Variants in BANP observed in about 807,000 individuals in gnomAD.
BANP encodes the protein BTG3 associated nuclear protein, also known as protein BANP.
In BANP, 11 loss-of-function variants were observed where a neutral mutation model predicts 68.1. The observed-to-expected ratio is 0.16, with a 90% CI of 0.10 to 0.27. The LOEUF (loss-of-function observed/expected upper bound fraction) is 0.27. BANP is among the 10% of genes least tolerant of loss of function. The pLI is 1.00. For synonymous variants in BANP, 329 were observed against 303.2 expected, an observed-to-expected ratio of 1.09 and a Z score of -0.88; for missense variants, 504 against 722.7, an observed-to-expected ratio of 0.70 and a Z score of 3.47.
chr16:87,988,806 C>T (rs1003527530), intron 4 of BANP, among the ~76,000 whole-genome samples: 1 of 152,198 alleles, frequency 6.6e-6, no homozygotes, highest in African/African-American at 2.4e-5. Context: ...ACATGCCCTT[C>T]TGTTTAGAGC....
At position 87,957,993 on chromosome 16, in the gene BANP, CCT is replaced by C. The variant is rs1354640598; in HGVS notation, c.-69+6479_-69+6480del. Reference sequence around the variant, plus strand: ...TCTGCGTTTTCTGCCGAAATGCGTCCCTGAGATTGAGAAAGTTCACACCCTAA... The same window carrying C: ...TCTGCGTTTTCTGCCGAAATGCGTCCGAGATTGAGAAAGTTCACACCCTAA... On this transcript the variant is annotated intron_variant, in intron 1 of 13. Transcript: ENST00000682872. The surrounding 1 kb of genome is among the most constrained non-coding windows in gnomAD (Gnocchi z 4.3). Among the ~76,000 whole-genome samples the C allele has an allele frequency of 6.6e-6, 1 of 152,228 alleles. No homozygotes were observed. The highest frequency in any genetic ancestry group is 2.4e-5 in the African/African-American group (1 of 41,526).
rs752872887 is a variant in BANP, at chr16:88,006,177, G to A, written c.567G>A (p.Ser189=). 1.1e-5 allele frequency: 18 copies of A among 1,613,560 alleles called. No homozygotes were observed. Among genetic ancestry groups the A allele is most frequent in the African/African-American group, 9.3e-5 (7 of 74,904 alleles). Residue 189 remains serine, a synonymous_variant, in exon 6 of 14, where the codon TCG becomes TCA. Coordinates refer to ENST00000682872, the MANE Select transcript of BANP (RefSeq NM_001386991.1). ...DSHHEDGESG[S]EASDSVSSCG... Reference sequence around the variant, plus strand: ...ACCACGAGGACGGGGAGAGCGGCTCGGAGGCCAGCGACTCTGTGTCCAGCT... The same window carrying A: ...ACCACGAGGACGGGGAGAGCGGCTCAGAGGCCAGCGACTCTGTGTCCAGCT...
chr16:88,070,532 G>C (rs546112137), intron 12 of BANP, among the ~76,000 whole-genome samples: 1 of 152,128 alleles, frequency 6.6e-6, no homozygotes, highest in African/African-American at 2.4e-5. Context: ...GCTGGTCCCC[G>C]AGGCTGGTGT....
chr16:88,057,917 C>T lies in BANP; in HGVS notation c.1312-7350C>T, dbSNP rs1260782791. Among the ~76,000 whole-genome samples the T allele has an allele frequency of 6.6e-6, 1 of 152,148 alleles. No individual in the cohort carries two copies. Among genetic ancestry groups the T allele is most frequent in the African/African-American group, 2.4e-5 (1 of 41,430 alleles). On this transcript the variant is annotated intron_variant, in intron 11 of 13. Transcript: ENST00000682872. This position sits in a 1 kb window ranked among gnomAD's most constrained non-coding sequence, Gnocchi z 4.6. Reference sequence around the variant, plus strand: ...GGGCAGCGAGTGGCCGCCTGTGTTCCGACAAGCCAGGCGCCGAGGCTCGGT... The same window carrying T: ...GGGCAGCGAGTGGCCGCCTGTGTTCTGACAAGCCAGGCGCCGAGGCTCGGT...
chr16:88,059,715 A>G (rs957792429), intron 11 of BANP, among the ~76,000 whole-genome samples: 31 of 152,054 alleles, frequency 2.0e-4, no homozygotes, highest in African/African-American at 7.2e-4. Flanking sequence ...GGGCTTCCCG[A>G]CGGAGACGTG....
At chr16:88,015,164 CGTCCCCTCTGCCT>C (rs1567755575) in intron 6 of BANP, among the ~76,000 whole-genome samples, 1 of 145,226 alleles carries the variant, frequency 6.9e-6, no homozygotes, top group African/African-American at 2.6e-5. Context: ...GCCCTCTGCC[CGTCCCCTCTGCCT>C]GTGCCCTCTG....
rs150181447 is a variant in BANP, at chr16:87,956,184, C to T, written c.-69+4669C>T. 6.7e-3 allele frequency among the ~76,000 whole-genome samples: 1,019 copies of T among 152,326 alleles called. 10 individuals carry two copies. Among genetic ancestry groups the T allele is most frequent in the African/African-American group, 0.023 (942 of 41,560 alleles). Reference sequence around the variant, plus strand: ...TTACACGATTAAGTGATTGACATGACATGGAGTCGCAAGGCTGACTTGAAA... The same window carrying T: ...TTACACGATTAAGTGATTGACATGATATGGAGTCGCAAGGCTGACTTGAAA... On this transcript the variant is annotated intron_variant, in intron 1 of 13. Transcript: ENST00000682872.
chr16:87,961,157 C>T (rs181901296), intron 1 of BANP, among the ~76,000 whole-genome samples: 2 of 152,268 alleles, frequency 1.3e-5, no homozygotes, highest in Admixed American at 6.5e-5. Flanking sequence ...TGCAGAAGCT[C>T]ATGGATACAG....
chr16:88,066,335 G>A (rs1031545909), intron 12 of BANP, among the ~76,000 whole-genome samples: 3 of 152,176 alleles, frequency 2.0e-5, no homozygotes, highest in Admixed American at 1.3e-4. Flanking sequence ...CCAGCAGGCG[G>A]TAATTTTACT....
At position 88,072,133 on chromosome 16, in the gene BANP, G is replaced by T. The variant is rs867845868; in HGVS notation, c.1442G>T (p.Gly481Val). The change falls in exon 13 of 14, where the codon GGG (glycine) becomes GTG (valine). Residue 481 changes from glycine (G) to valine (V), a missense_variant. Coordinates refer to ENST00000682872, the MANE Select transcript of BANP (RefSeq NM_001386991.1). Reference sequence around the variant, plus strand: ...GACCCCGCGGCGGCGGGCGTGGATGGGTCGCCACTCCAGGGCAGCGACATC... The same window carrying T: ...GACCCCGCGGCGGCGGGCGTGGATGTGTCGCCACTCCAGGGCAGCGACATC... The part of the protein sequence containing the change: ...SSDPAAAGVD[G>V]SPLQGSDIQV... 6.2e-7 allele frequency: 1 copy of T among 1,610,140 alleles called. No individual in the cohort carries two copies. Among genetic ancestry groups the T allele is most frequent in the East Asian group, 2.2e-5 (1 of 44,744 alleles).
intron 2 of BANP, among the ~76,000 whole-genome samples, chr16:87,979,014 G>A (rs568561439): frequency 2.5e-4 from 38 of 152,248 alleles, no homozygotes; most frequent in African/African-American, 8.9e-4. Context: ...GTGGTCCTTG[G>A]CTTTGGATGA....
chr16:87,959,626 C>T (rs529627478), intron 1 of BANP, among the ~76,000 whole-genome samples: 45 of 152,300 alleles, frequency 3.0e-4, no homozygotes, highest in African/African-American at 1.0e-3. Flanking sequence ...TGCTGCAGCC[C>T]GTGTGGTTTT....
chr16:88,049,172 C>T (rs889747511), intron 11 of BANP, among the ~76,000 whole-genome samples: 3 of 152,150 alleles, frequency 2.0e-5, no homozygotes, highest in African/African-American at 7.2e-5. Context: ...CGCCCAACCA[C>T]ACCAGTTGCA....
chr16:88,066,795 C>G (rs1014975403), intron 12 of BANP, among the ~76,000 whole-genome samples: 2 of 152,176 alleles, frequency 1.3e-5, no homozygotes, highest in African/African-American at 4.8e-5. Context: ...TCTTTGCCAT[C>G]AGCCTTCAAA....
chr16:87,986,215 C>T (rs1335639536), intron 4 of BANP, among the ~76,000 whole-genome samples: 9 of 152,226 alleles, frequency 5.9e-5, no homozygotes, highest in Admixed American at 4.6e-4. Context: ...GAACGAACCT[C>T]TCCTGTCCCC....
intron 7 of BANP, among the ~76,000 whole-genome samples, chr16:88,019,519 C>T (rs1485100157): frequency 2.1e-5 from 3 of 142,138 alleles, no homozygotes; most frequent in Non-Finnish European, 4.6e-5. Context: ...GAGCATTCAG[C>T]GTCCAGGATC....
At chr16:88,035,949 G>A (rs1382903753) in intron 10 of BANP, among the ~76,000 whole-genome samples, 1 of 152,226 alleles carries the variant, frequency 6.6e-6, no homozygotes, top group Non-Finnish European at 1.5e-5. Flanking sequence ...ACCCGGCCAC[G>A]CACTCAGAAG....
intron 6 of BANP, among the ~76,000 whole-genome samples, chr16:88,014,994 G>A (rs1036265624): frequency 6.6e-6 from 1 of 151,792 alleles, no homozygotes; most frequent in Non-Finnish European, 1.5e-5. Context: ...TCAGCTGCTT[G>A]CCCTCTCTGC....
chr16:87,964,333 CCTT>C (rs2059671385), intron 1 of BANP, among the ~76,000 whole-genome samples: 1 of 152,260 alleles, frequency 6.6e-6, no homozygotes, highest in Admixed American at 6.5e-5. Flanking sequence ...GTGAAGCTCA[CCTT>C]CTAGCAGGAG....
Sources: allele counts gnomAD v4.1 joint callset (sites outside exome capture counted in the v4.1 genomes callset), GRCh38; gene constraint gnomAD v4.1.1; non-coding constraint Gnocchi (gnomAD v3.1); transcripts MANE v1.5; gene names NCBI Gene and HGNC (gene_info 2026-07-23, HGNC 2026-07-21).